The following CHMP4B variants were observed in gnomAD, a reference collection of about 807,000 sequenced individuals.
The protein encoded by CHMP4B is SNF7 homolog associated with Alix 1.
A neutral mutation model predicts 25.1 loss-of-function variants in CHMP4B; 1 was observed. The ratio of observed to expected loss-of-function variants is 0.04; its 90% CI spans 0.01 to 0.19. The LOEUF (loss-of-function observed/expected upper bound fraction) is 0.19. Ranked by LOEUF, CHMP4B falls within the 10% of genes least tolerant of loss-of-function variation. The pLI, the probability that CHMP4B is intolerant of heterozygous loss-of-function variation, is 1.00. For missense variants in CHMP4B, 151 were observed against 289.7 expected, an observed-to-expected ratio of 0.52 and a Z score of 3.48; for synonymous variants, 101 against 115.6, an observed-to-expected ratio of 0.87 and a Z score of 0.81.
intron 1 of CHMP4B, among the ~76,000 whole-genome samples, chr20:33,831,932 G>A (rs1187504824): frequency 6.6e-6 from 1 of 152,166 alleles, no homozygotes; most frequent in Non-Finnish European, 1.5e-5. Context: ...TTTCCCGAAA[G>A]AGAATCAGCT....
intron 2 of CHMP4B, among the ~76,000 whole-genome samples, chr20:33,849,816 C>T (rs1979797639): frequency 6.6e-6 from 1 of 152,162 alleles, no homozygotes; most frequent in Non-Finnish European, 1.5e-5. Flanking sequence ...GTGTCTGTCA[C>T]CTGGGCTGGA....
chr20:33,842,159 C>A (rs563337934), intron 1 of CHMP4B, among the ~76,000 whole-genome samples: 181 of 152,232 alleles, frequency 1.2e-3, no homozygotes, highest in African/African-American at 4.1e-3. Flanking sequence ...TTGGTGGGAT[C>A]TCTAATGCCA....
chr20:33,828,207 C>G (rs1252047715), intron 1 of CHMP4B, among the ~76,000 whole-genome samples: 1 of 152,204 alleles, frequency 6.6e-6, no homozygotes, highest in Admixed American at 6.5e-5. Flanking sequence ...TAGCACACAT[C>G]TTGTCCATAC....
intron 1 of CHMP4B, among the ~76,000 whole-genome samples, chr20:33,823,065 G>A (rs1228173901): frequency 6.6e-6 from 1 of 151,990 alleles, no homozygotes; most frequent in Non-Finnish European, 1.5e-5. Flanking sequence ...TGAGATTATA[G>A]GCATGAGCCA....
intron 1 of CHMP4B, among the ~76,000 whole-genome samples, chr20:33,827,252 G>A (rs1979119316): frequency 1.3e-5 from 2 of 152,132 alleles, no homozygotes; most frequent in African/African-American, 4.8e-5. Flanking sequence ...CCTACCTCTG[G>A]GCCTTTGTTT....
At chr20:33,812,703 A>T (rs1230704481) in intron 1 of CHMP4B, among the ~76,000 whole-genome samples, 1 of 152,226 alleles carries the variant, frequency 6.6e-6, no homozygotes, top group Non-Finnish European at 1.5e-5. Context: ...TTCACTCAGA[A>T]GTCTGCTAGT....
intron 1 of CHMP4B, among the ~76,000 whole-genome samples, chr20:33,844,734 A>G (rs1169108446): frequency 1.3e-5 from 2 of 152,076 alleles, no homozygotes; most frequent in Non-Finnish European, 2.9e-5. Flanking sequence ...CTGAAAAGCA[A>G]GGCAGCTCTG....
chr20:33,848,410 A>G, intron 1 of CHMP4B, 57 bp from the exon 2 acceptor site: 1 of 1,579,958 alleles, frequency 6.3e-7, no homozygotes, highest in Non-Finnish European at 8.7e-7. Flanking sequence ...ACTCAGTGAC[A>G]CTAGAACCTC....
intron 1 of CHMP4B, among the ~76,000 whole-genome samples, chr20:33,823,817 G>C (rs925492117): frequency 1.3e-5 from 2 of 152,138 alleles, no homozygotes; most frequent in Non-Finnish European, 2.9e-5. Context: ...TGGGATTACA[G>C]GTGTGAGCCA....
intron 1 of CHMP4B, among the ~76,000 whole-genome samples, chr20:33,830,541 C>G (rs1448418121): frequency 2.0e-5 from 3 of 152,192 alleles, no homozygotes; most frequent in Admixed American, 6.5e-5. Context: ...TGCCTTCTTG[C>G]TGTGTCCTCA....
At chr20:33,829,468 A>G (rs1275374102) in intron 1 of CHMP4B, among the ~76,000 whole-genome samples, 1 of 152,220 alleles carries the variant, frequency 6.6e-6, no homozygotes, top group African/African-American at 2.4e-5. Context: ...CTAGGCTCTA[A>G]GGAACTGATT....
intron 1 of CHMP4B, among the ~76,000 whole-genome samples, chr20:33,815,612 A>T (rs1318977118): frequency 1.3e-5 from 2 of 152,238 alleles, no homozygotes; most frequent in Admixed American, 6.5e-5. Context: ...TGTGAGGTCC[A>T]TGAAGTAAGA....
Position 33,852,247 on chromosome 20 carries a change from A to G in CHMP4B, c.610+44A>G, listed in dbSNP as rs116031336. On this transcript the variant is annotated intron_variant, in intron 4 of 4. Coordinates refer to ENST00000217402, the MANE Select transcript of CHMP4B (RefSeq NM_176812.5). ...ATGGCACACCGTGAGGTCATGTGGC[A>G]GGTGATCTTGTGGTCGGTTGGCTTT... 8,227 of 1,613,016 alleles carry G rather than the reference A, an allele frequency of 5.1e-3. 359 individuals are homozygous for G. The African/African-American group carries it at 0.095, about 19-fold the overall frequency.
At chr20:33,853,424 C>A in intron 4 of CHMP4B, 72 bp from the exon 5 acceptor site, 1 of 1,392,608 alleles carries the variant, frequency 7.2e-7, no homozygotes. Context: ...GGAGCACAGG[C>A]AGCCCTCATT....
chr20:33,819,930 G>T (rs974507638), intron 1 of CHMP4B, among the ~76,000 whole-genome samples: 1 of 152,150 alleles, frequency 6.6e-6, no homozygotes, highest in Non-Finnish European at 1.5e-5. Context: ...CACTTTGGGA[G>T]GCCAAGGCGG....
At chr20:33,825,710 G>C (rs544044607) in intron 1 of CHMP4B, among the ~76,000 whole-genome samples, 1 of 152,204 alleles carries the variant, frequency 6.6e-6, no homozygotes, top group Non-Finnish European at 1.5e-5. Flanking sequence ...GGTAAATGGT[G>C]CATGGGTCTA....
intron 1 of CHMP4B, among the ~76,000 whole-genome samples, chr20:33,823,000 G>A (rs1290701507): frequency 2.0e-5 from 3 of 151,864 alleles, no homozygotes; most frequent in Non-Finnish European, 2.9e-5. Context: ...GTGTTAGCCA[G>A]GATGGTCTCA....
chr20:33,812,981 TGAA>T (rs1601313531), intron 1 of CHMP4B, among the ~76,000 whole-genome samples: 1 of 151,792 alleles, frequency 6.6e-6, no homozygotes, highest in Non-Finnish European at 1.5e-5. Context: ...GGAAAATAAA[TGAA>T]GAAAATATTG....
At position 33,848,747 on chromosome 20, in the gene CHMP4B, C is replaced by T. The variant is rs1056885598; in HGVS notation, c.368+103C>T. 51 of 1,211,132 alleles carry T rather than the reference C, an allele frequency of 4.2e-5. No homozygotes were observed. The African/African-American group carries it at 5.7e-4, about 14-fold the overall frequency. The allele number at this position is 1,211,132 out of a possible 1,614,324, so 75.0% of individuals were successfully genotyped here. A position where few individuals can be genotyped will look rare whatever the true frequency, so the allele number is the denominator to read the frequency against. On this transcript the variant is annotated intron_variant, in intron 2 of 4. Coordinates refer to ENST00000217402, the MANE Select transcript of CHMP4B (RefSeq NM_176812.5). ...AGACGGATCCCTTGACTTACCTATT[C>T]GAGCACCTGAGTTTGTTTTAATTCT...
Sources: allele counts gnomAD v4.1 joint callset (sites outside exome capture counted in the v4.1 genomes callset), GRCh38; gene constraint gnomAD v4.1.1; transcripts MANE v1.5; gene names NCBI Gene and HGNC (gene_info 2026-07-23, HGNC 2026-07-21).